Variants in FCHSD2 observed in about 807,000 individuals in gnomAD.
FCHSD2 encodes the protein F-BAR and double SH3 domains protein 2.
In FCHSD2, 38 loss-of-function variants were observed where a neutral mutation model predicts 108.1. The observed-to-expected ratio is 0.35, with a 90% CI of 0.27 to 0.46. FCHSD2 has a LOEUF of 0.46. FCHSD2 is among the 20% of genes least tolerant of loss of function. The pLI, the probability that FCHSD2 is intolerant of heterozygous loss-of-function variation, is 1.00. For synonymous variants in FCHSD2, 279 were observed against 314.7 expected (o/e 0.89, Z 1.20); for missense variants, 751 against 897.8 (o/e 0.84, Z 2.09).
intron 3 of FCHSD2, among the ~76,000 whole-genome samples, chr11:73,039,481 C>T (rs988615664): frequency 2.0e-5 from 3 of 149,928 alleles, no homozygotes; most frequent in African/African-American, 4.9e-5. Context: ...CATGCCAATG[C>T]ATTCCAGCCT....
intron 2 of FCHSD2, among the ~76,000 whole-genome samples, chr11:73,129,963 C>G (rs1860955500): frequency 6.7e-6 from 1 of 148,668 alleles, no homozygotes; most frequent in Non-Finnish European, 1.5e-5. Context: ...ACTGCAAGCT[C>G]TGCCTCCCGG....
chr11:73,002,444 T>C (rs1030057656), intron 4 of FCHSD2, among the ~76,000 whole-genome samples: 2 of 152,196 alleles, frequency 1.3e-5, no homozygotes, highest in Admixed American at 1.3e-4. Context: ...CCTCACTGCA[T>C]GACAACCAAT....
intron 2 of FCHSD2, among the ~76,000 whole-genome samples, chr11:73,110,635 G>A (rs1019869971): frequency 4.6e-5 from 7 of 151,640 alleles, no homozygotes; most frequent in Admixed American, 4.6e-4. Flanking sequence ...TCATTTTGTT[G>A]GTCTTTTGTA....
chr11:73,133,043 A>C (rs1286097249), intron 2 of FCHSD2, among the ~76,000 whole-genome samples: 2 of 152,194 alleles, frequency 1.3e-5, no homozygotes, highest in African/African-American at 4.8e-5. Context: ...TGTTAGAAAA[A>C]TGCACGTCAA....
At chr11:72,898,737 T>A (rs1307600885) in intron 10 of FCHSD2, among the ~76,000 whole-genome samples, 1 of 151,558 alleles carries the variant, frequency 6.6e-6, no homozygotes, top group Non-Finnish European at 1.5e-5. Flanking sequence ...TATTTTTTTT[T>A]TTTTTTTTTA....
intron 3 of FCHSD2, among the ~76,000 whole-genome samples, chr11:73,023,727 C>T (rs924070707): frequency 1.3e-5 from 2 of 152,176 alleles, no homozygotes; most frequent in Admixed American, 6.6e-5. Flanking sequence ...ATGCTTCTGG[C>T]AGCTTTATTG....
chr11:73,019,855 A>G (rs1288336299), intron 3 of FCHSD2, among the ~76,000 whole-genome samples: 1 of 152,262 alleles, frequency 6.6e-6, no homozygotes, highest in African/African-American at 2.4e-5. Flanking sequence ...CATAGAAAAC[A>G]AAATCCAGCC....
At chr11:72,897,936 T>A (rs549204940) in intron 10 of FCHSD2, among the ~76,000 whole-genome samples, 1 of 152,338 alleles carries the variant, frequency 6.6e-6, no homozygotes, top group South Asian at 2.1e-4. Flanking sequence ...TGGTATCATC[T>A]GAGAAATGAT....
At chr11:73,044,941 G>A (rs1024613721) in intron 3 of FCHSD2, among the ~76,000 whole-genome samples, 1 of 151,888 alleles carries the variant, frequency 6.6e-6, no homozygotes, top group African/African-American at 2.4e-5. Flanking sequence ...GTGGTGACAC[G>A]TGCCTGTAAT....
At chr11:72,840,619 T>C (rs1860894568) in intron 19 of FCHSD2, among the ~76,000 whole-genome samples, 1 of 152,222 alleles carries the variant, frequency 6.6e-6, no homozygotes, top group African/African-American at 2.4e-5. Flanking sequence ...GTTTGTTCTA[T>C]TCTAAATCAC....
chr11:72,961,725 T>C (rs1341919454), intron 8 of FCHSD2, among the ~76,000 whole-genome samples: 8 of 152,252 alleles, frequency 5.3e-5, no homozygotes, highest in Non-Finnish European at 1.0e-4. Flanking sequence ...AAGATTGCTG[T>C]CATTTTTGTT....
intron 2 of FCHSD2, among the ~76,000 whole-genome samples, chr11:73,125,027 T>C (rs1860821037): frequency 6.6e-6 from 1 of 152,192 alleles, no homozygotes; most frequent in African/African-American, 2.4e-5. Context: ...CAGAATTCTA[T>C]ATCCAGCAAA....
At chr11:73,060,330 C>A (rs1413541223) in intron 3 of FCHSD2, among the ~76,000 whole-genome samples, 1 of 152,170 alleles carries the variant, frequency 6.6e-6, no homozygotes, top group African/African-American at 2.4e-5. Flanking sequence ...CTGTCACCAG[C>A]AAATTCAAAC....
At chr11:73,080,296 C>CAAAAAAAAA (rs370633105) in intron 3 of FCHSD2, among the ~76,000 whole-genome samples, 8 of 52,202 alleles carry the variant, frequency 1.5e-4, no homozygotes, top group East Asian at 6.2e-4. Context: ...GACCCTGTCT[C>CAAAAAAAAA]AAAAAAAAAA....
intron 2 of FCHSD2, among the ~76,000 whole-genome samples, chr11:73,115,079 G>A (rs570646905): frequency 5.3e-5 from 8 of 152,336 alleles, no homozygotes; most frequent in Admixed American, 3.9e-4. Context: ...GTGGCAAGGC[G>A]TGCTGAAATT....
At chr11:72,952,160 C>G (rs571084851) in intron 8 of FCHSD2, among the ~76,000 whole-genome samples, 240 of 152,168 alleles carry the variant, frequency 1.6e-3, no homozygotes, top group Non-Finnish European at 3.0e-3. Flanking sequence ...TTATATTGGT[C>G]TTGCTTGGTC....
intron 9 of FCHSD2, among the ~76,000 whole-genome samples, chr11:72,906,861 G>A (rs928962617): frequency 1.3e-5 from 2 of 152,200 alleles, no homozygotes; most frequent in Non-Finnish European, 2.9e-5. Flanking sequence ...GTAGCACGAT[G>A]TCTCCAGCTT....
intron 8 of FCHSD2, among the ~76,000 whole-genome samples, chr11:72,955,143 G>A (rs536711612): frequency 6.6e-6 from 1 of 152,266 alleles, no homozygotes; most frequent in Admixed American, 6.5e-5. Context: ...CCCCACTTCA[G>A]ATGCTAATTG....
At chr11:72,872,953 G>A (rs1854892196) in intron 12 of FCHSD2, among the ~76,000 whole-genome samples, 1 of 152,194 alleles carries the variant, frequency 6.6e-6, no homozygotes. Context: ...GCTTGTTAAT[G>A]TCTGTCTTTT....
Sources: gnomAD v4.1 joint callset for allele counts (sites outside exome capture counted in the v4.1 genomes callset) on GRCh38, gnomAD v4.1.1 for gene constraint, MANE v1.5 for transcripts, NCBI Gene and HGNC (gene_info 2026-07-23, HGNC 2026-07-21) for gene names.